GCN1: variants seen among roughly 807,000 people sequenced by gnomAD.
GCN1 encodes the protein stalled ribosome sensor GCN1.
GCN1 carries 90 observed loss-of-function variants against 288.4 expected under a neutral mutation model. The ratio of observed to expected loss-of-function variants is 0.31; its 90% CI spans 0.26 to 0.37. The LOEUF (loss-of-function observed/expected upper bound fraction) is 0.37. GCN1 is among the 10% of genes least tolerant of loss of function. The pLI, the probability that GCN1 is intolerant of heterozygous loss-of-function variation, is 1.00. For missense variants in GCN1, 2,586 were observed against 3,419.9 expected (o/e 0.76, Z 6.08); for synonymous variants, 1,386 against 1,420.2 (o/e 0.98, Z 0.54).
rs560118880 is a variant in GCN1, at chr12:120,173,665, C to T, written c.1354G>A (p.Ala452Thr). 4.4e-6 allele frequency: 7 copies of T among 1,607,818 alleles called. No homozygotes were observed. The highest frequency in any genetic ancestry group is 4.0e-5 in the African/African-American group (3 of 74,932). ...GGAGTTGTCTTACCCCGGTAAGAGGCCAACATGCACTGCAGGTAGGCATGC... is the reference window on the plus strand; with the variant it reads ...GGAGTTGTCTTACCCCGGTAAGAGGTCAACATGCACTGCAGGTAGGCATGC... Reference protein sequence around the residue: ...VRHAYLQCMLASYRGDTLLQA... With the variant: ...VRHAYLQCMLTSYRGDTLLQA... Residue 452 changes from alanine (A) to threonine (T), a missense_variant, in exon 14 of 58, where the codon GCC becomes ACC. Coordinates refer to ENST00000300648, the MANE Select transcript of GCN1 (RefSeq NM_006836.2).
intron 38 of GCN1, among the ~76,000 whole-genome samples, chr12:120,145,646 T>C (rs533861525): frequency 1.1e-4 from 16 of 152,356 alleles, no homozygotes; most frequent in African/African-American, 3.4e-4. Context: ...CTGGAATCTT[T>C]AGCAAATTAC....
Position 120,155,863 on chromosome 12 carries a change from CTAAG to C in GCN1, c.3313-148_3313-145del, listed in dbSNP as rs1877730313. On this transcript the variant is annotated intron_variant, in intron 28 of 57. Coordinates refer to ENST00000300648, the MANE Select transcript of GCN1 (RefSeq NM_006836.2). This position sits in a 1 kb window ranked among gnomAD's most constrained non-coding sequence, Gnocchi z 4.9. ...AAAGTTAAATCAATTAAAATTAACT[CTAAG>C]TAAGTTCCTTAGAGTGTGAGGTGGT... 3 of 711,998 alleles carry C rather than the reference CTAAG, an allele frequency of 4.2e-6. No homozygotes were observed. Among genetic ancestry groups the C allele is most frequent in the East Asian group, 5.1e-5 (2 of 39,020 alleles). 44.1% of individuals were successfully genotyped at this position (711,998 alleles called of 1,614,324 possible).
intron 39 of GCN1, 91 bp downstream of exon 39, chr12:120,145,171 A>ACACAAAAG: frequency 6.4e-7 from 1 of 1,555,784 alleles, no homozygotes; most frequent in Non-Finnish European, 8.8e-7. Flanking sequence ...TACCCAACAG[A>ACACAAAAG]CACAAAAGCA....
chr12:120,139,619 C>A (rs1369188132), intron 45 of GCN1, among the ~76,000 whole-genome samples: 1 of 151,732 alleles, frequency 6.6e-6, no homozygotes, highest in African/African-American at 2.4e-5. Flanking sequence ...CAGAGTAAGA[C>A]CCCGTCTCAA....
intron 36 of GCN1, 85 bp downstream of exon 36, chr12:120,149,521 C>G (rs773802450): frequency 8.9e-5 from 83 of 929,152 alleles, no homozygotes; most frequent in Non-Finnish European, 1.4e-4. Flanking sequence ...GCTCACAGGA[C>G]AAGAGCTGTG....
intron 14 of GCN1, among the ~76,000 whole-genome samples, chr12:120,170,856 A>T (rs1389961864): frequency 1.3e-5 from 2 of 151,318 alleles, no homozygotes; most frequent in Non-Finnish European, 2.9e-5. Flanking sequence ...CCTCTGAACT[A>T]AACTCTTTTA....
rs1410634687 is a variant in GCN1 at position 120,136,721 on chromosome 12, G to A, written c.6789C>T (p.Ser2263=). 3 of 1,612,546 alleles carry A rather than the reference G, an allele frequency of 1.9e-6. No homozygotes were observed. Among genetic ancestry groups the A allele is most frequent in the Non-Finnish European group, 8.5e-7 (1 of 1,178,894 alleles). The change falls in exon 51 of 58, where the codon TCC becomes TCT. Residue 2263 remains serine, a synonymous_variant. Transcript: ENST00000300648. ...GFCLPKKGVT[S]ILPVLREGVL... ...CTCCTTCCCGCAACACTGGAAGGAT[G>A]GAGGTCACTCCCTGACAAGAGAACC... is the stretch of plus-strand genomic sequence containing the variant.
In GCN1 at chr12:120,144,360, G is replaced by A. The variant is rs768155270; in HGVS notation, c.5441C>T (p.Ala1814Val). ...VISMYAETAI[A>V]LLLPQLEQGL... ...TTGCTCTAGCTGGGGCAGCAGCAGG[G>A]CGATGGCTGTCTCAGCGTACATGGA... The change falls in exon 42 of 58, where the codon GCC becomes GTC. Residue 1814 changes from alanine to valine, a missense_variant. Around this residue, in one of 8 missense-constraint regions of GCN1, gnomAD observed 371 missense variants for 572.6 expected, o/e 0.65. Coordinates refer to ENST00000300648, the MANE Select transcript of GCN1 (RefSeq NM_006836.2). The surrounding 1 kb of genome is among the most constrained non-coding windows in gnomAD (Gnocchi z 4.7). The A allele has an allele frequency of 6.2e-7, 1 of 1,614,232 alleles. No individual in the cohort carries two copies. The highest frequency in any genetic ancestry group is 8.5e-7 in the Non-Finnish European group (1 of 1,180,022).
chr12:120,157,786 T>C (rs896646294), intron 26 of GCN1, 63 bp downstream of exon 26: 21 of 1,330,772 alleles, frequency 1.6e-5, no homozygotes, highest in Non-Finnish European at 1.8e-5. Context: ...ACAAAACGTG[T>C]CCACAGGCCC....
rs1407940415 is a variant in GCN1, at chr12:120,156,980, A to G, written c.3100T>C (p.Leu1034=). ...CGCAGCATGGCCACGCGAGGCAGCA[A>G]CTCCGGGCCATTCTAGGAGAGAACG... The part of the protein sequence containing the change: ...PGRVDENGPE[L]LPRVAMLRLL... Residue 1034 remains leucine, a synonymous_variant, in exon 27 of 58, where the codon TTG becomes CTG. Coordinates refer to ENST00000300648, the MANE Select transcript of GCN1 (RefSeq NM_006836.2). This position sits in a 1 kb window ranked among gnomAD's most constrained non-coding sequence, Gnocchi z 5.8. The G allele has an allele frequency of 1.2e-6, 2 of 1,611,786 alleles. No individual in the cohort carries two copies. Among genetic ancestry groups the G allele is most frequent in the East Asian group, 2.2e-5 (1 of 44,880 alleles).
chr12:120,142,935 GC>G lies in GCN1; in HGVS notation c.5501del (p.Ser1834ThrfsTer20). 1 of 1,605,136 alleles carries G rather than the reference GC, an allele frequency of 6.2e-7. No individual in the cohort carries two copies. Among genetic ancestry groups the G allele is most frequent in the Non-Finnish European group, 8.5e-7 (1 of 1,171,794 alleles). ...LFDDLWRIRFSSVQLLGDLLF... is the reference protein window; with the variant it reads ...LFDDLWRIRFXSVQLLGDLLF... Reference sequence around the variant, plus strand: ...GGAGATCCCCAAGGAGCTGAACAGAGCTGAACCTGAGAAGGAGGCCAACAAC... The same window carrying G: ...GGAGATCCCCAAGGAGCTGAACAGAGTGAACCTGAGAAGGAGGCCAACAAC... On this transcript the variant is annotated frameshift_variant, in exon 43 of 58. Transcript: ENST00000300648. LOFTEE classifies it high-confidence loss of function. This position sits in a 1 kb window ranked among gnomAD's most constrained non-coding sequence, Gnocchi z 4.9.
chr12:120,158,161 G>A lies in GCN1; in HGVS notation c.2906-131C>T. Reference sequence around the variant, plus strand: ...CCCGTTCTGACACCTGGAAGCACATGGCACGAGGACAGAGACAGCAGCTGG... The same window carrying A: ...CCCGTTCTGACACCTGGAAGCACATAGCACGAGGACAGAGACAGCAGCTGG... On this transcript the variant is annotated intron_variant, in intron 25 of 57. Transcript: ENST00000300648. The surrounding 1 kb of genome is among the most constrained non-coding windows in gnomAD (Gnocchi z 4.3). 1.2e-6 allele frequency: 1 copy of A among 837,826 alleles called. No homozygotes were observed. The highest frequency in any genetic ancestry group is 1.9e-6 in the Non-Finnish European group (1 of 539,870). 51.9% of individuals were successfully genotyped at this position (837,826 alleles called of 1,614,324 possible). A position where few individuals can be genotyped will look rare whatever the true frequency, so the allele number is the denominator to read the frequency against.
At position 120,156,486 on chromosome 12, in the gene GCN1, G is replaced by C; in HGVS notation, c.3287C>G (p.Ala1096Gly). ...VLLCALQSPC[A>G]SVRETVLRGL... ...CCGGAGCACGGTTTCCCGCACGCTG[G>C]CACACGGGGACTGCAAGGCACAGAG... The change falls in exon 28 of 58, where the codon GCC becomes GGC. Residue 1096 changes from alanine to glycine, a missense_variant. Ala to Gly is a moderately conservative substitution (Grantham distance 60, BLOSUM62 0). Coordinates refer to ENST00000300648, the MANE Select transcript of GCN1 (RefSeq NM_006836.2). This position sits in a 1 kb window ranked among gnomAD's most constrained non-coding sequence, Gnocchi z 5.8. 6.2e-7 allele frequency: 1 copy of C among 1,613,942 alleles called. No homozygotes were observed. The highest frequency in any genetic ancestry group is 8.5e-7 in the Non-Finnish European group (1 of 1,179,950).
chr12:120,194,601 G>A (rs1879111504), intron 1 of GCN1, 79 bp downstream of exon 1: 6 of 1,316,334 alleles, frequency 4.6e-6, no homozygotes, highest in Non-Finnish European at 3.1e-6. Flanking sequence ...CTAAGCCGAG[G>A]AGCGAGAGGG....
rs1877944325 is a variant in GCN1 at position 120,161,890 on chromosome 12, T to C, written c.2332A>G (p.Ile778Val). Reference protein sequence around the residue: ...TPAGELYDKSIIQSAQQDSIK... With the variant: ...TPAGELYDKSVIQSAQQDSIK... Reference sequence around the variant, plus strand: ...TAAGTGAGGTCTCACCTCTGAATGATGGATTTGTCATACAGCTCCCCAGCA... The same window carrying C: ...TAAGTGAGGTCTCACCTCTGAATGACGGATTTGTCATACAGCTCCCCAGCA... The change falls in exon 21 of 58, where the codon ATC becomes GTC. Residue 778 changes from isoleucine (I) to valine (V), a missense_variant. Transcript: ENST00000300648. 2 of 1,614,018 alleles carry C rather than the reference T, an allele frequency of 1.2e-6. No homozygotes were observed. The highest frequency in any genetic ancestry group is 1.7e-6 in the Non-Finnish European group (2 of 1,179,982).
chr12:120,137,026 A>G lies in GCN1; in HGVS notation c.6777+180T>C, dbSNP rs986233306. Among the ~76,000 whole-genome samples, 3 of 152,212 alleles carry G rather than the reference A, an allele frequency of 2.0e-5. No homozygotes were observed. The highest frequency in any genetic ancestry group is 7.2e-5 in the African/African-American group (3 of 41,458). ...CTGCAGAGCTTAAACCAAAGGCAGC[A>G]TGAACCCTGTCCCCATCTGACTGCC... is the stretch of plus-strand genomic sequence containing the variant. On this transcript the variant is annotated intron_variant, in intron 50 of 57. Transcript: ENST00000300648. The surrounding 1 kb of genome is among the most constrained non-coding windows in gnomAD (Gnocchi z 5.2).
At position 120,134,647 on chromosome 12, in the gene GCN1, A is replaced by AC. The variant is rs771010099; in HGVS notation, c.7087dup (p.Val2363GlyfsTer18). ...CAGAGCATCTGCGGCCTTCAGGCGCACCCCCCGGTTGGAGTCCTGCAGGGC... is the reference window on the plus strand; with the variant it reads ...CAGAGCATCTGCGGCCTTCAGGCGCACCCCCCCGGTTGGAGTCCTGCAGGGC... On this transcript the variant is annotated frameshift_variant, in exon 52 of 58. Coordinates refer to ENST00000300648, the MANE Select transcript of GCN1 (RefSeq NM_006836.2). LOFTEE classifies it high-confidence loss of function. The surrounding 1 kb of genome is among the most constrained non-coding windows in gnomAD (Gnocchi z 5.0). 1.2e-6 allele frequency: 2 copies of AC among 1,613,594 alleles called. No individual in the cohort carries two copies. The highest frequency in any genetic ancestry group is 1.7e-6 in the Non-Finnish European group (2 of 1,179,936).
intron 5 of GCN1, among the ~76,000 whole-genome samples, chr12:120,180,174 C>T (rs538001543): frequency 1.8e-4 from 27 of 152,180 alleles, no homozygotes; most frequent in South Asian, 4.1e-4. Flanking sequence ...GGTGTGGTGG[C>T]GCATGCCTGT....
chr12:120,141,090 C>T (rs1877176411), intron 44 of GCN1, 67 bp from the exon 45 acceptor site: 3 of 1,370,732 alleles, frequency 2.2e-6, no homozygotes, highest in Admixed American at 3.9e-5. Flanking sequence ...AGGAGGACTC[C>T]AGAATGAGGG....
Sources: gnomAD v4.1 joint callset for allele counts (sites outside exome capture counted in the v4.1 genomes callset) on GRCh38, gnomAD v4.1.1 for gene constraint, gnomAD v4.1.1 regional missense constraint, Gnocchi (gnomAD v3.1) non-coding constraint, MANE v1.5 for transcripts, NCBI Gene and HGNC (gene_info 2026-07-23, HGNC 2026-07-21) for gene names.